The following C1QTNF7 variants were observed in gnomAD, a reference collection of about 807,000 sequenced individuals.
C1QTNF7 encodes the protein complement C1q tumor necrosis factor-related protein 7.
C1QTNF7 carries 15 observed loss-of-function variants against 19.6 expected under a neutral mutation model. The observed-to-expected ratio is 0.76, with a 90% CI of 0.51 to 1.18. C1QTNF7 has a LOEUF of 1.18. Ranked by LOEUF, C1QTNF7 falls within the 50% of genes most tolerant of loss-of-function variation. The probability of loss-of-function intolerance (pLI) is 0.00; values close to 1 mark genes in which losing one functional copy is unlikely to be tolerated. For synonymous variants in C1QTNF7, 142 were observed against 137.5 expected (o/e 1.03, Z -0.23); for missense variants, 324 against 359.7 (o/e 0.90, Z 0.80).
chr4:15,372,047 T>G (rs912933825), intron 1 of C1QTNF7, among the ~76,000 whole-genome samples: 13 of 152,194 alleles, frequency 8.5e-5, no homozygotes, highest in Non-Finnish European at 2.9e-5. Flanking sequence ...TCACTGCTGC[T>G]TACTAGCTTT....
chr4:15,410,851 A>T (rs1049776101), intron 1 of C1QTNF7, among the ~76,000 whole-genome samples: 17 of 152,250 alleles, frequency 1.1e-4, no homozygotes, highest in African/African-American at 3.6e-4. Context: ...GTAATCTACC[A>T]GAGACATACA....
chr4:15,340,022 T>C, exon 1 of C1QTNF7: 1 of 799,506 alleles, frequency 1.3e-6, no homozygotes, highest in Non-Finnish European at 2.1e-6. Context: ...TCAAACGCAT[T>C]CTCATGCTCA....
chr4:15,439,954 A>C (rs1004327096), intron 2 of C1QTNF7, among the ~76,000 whole-genome samples: 1 of 151,650 alleles, frequency 6.6e-6, no homozygotes, highest in African/African-American at 2.4e-5. Context: ...TAAAACGTGA[A>C]TGTCATATAC....
At chr4:15,363,227 T>C (rs1717402547) in intron 1 of C1QTNF7, among the ~76,000 whole-genome samples, 2 of 152,306 alleles carry the variant, frequency 1.3e-5, no homozygotes. Context: ...CTGAGCTTAG[T>C]CTTTCAGCCA....
intron 1 of C1QTNF7, among the ~76,000 whole-genome samples, chr4:15,372,347 G>A (rs183650224): frequency 6.6e-6 from 1 of 152,264 alleles, no homozygotes; most frequent in East Asian, 1.9e-4. Flanking sequence ...ATCTCCCTCT[G>A]CCCACCATAT....
At chr4:15,372,274 G>A (rs1004316939) in intron 1 of C1QTNF7, among the ~76,000 whole-genome samples, 1 of 152,124 alleles carries the variant, frequency 6.6e-6, no homozygotes, top group African/African-American at 2.4e-5. Flanking sequence ...CAACTTAAAT[G>A]AGGTCATAGG....
intron 1 of C1QTNF7, among the ~76,000 whole-genome samples, chr4:15,411,174 G>A (rs1347716784): frequency 6.6e-6 from 1 of 152,150 alleles, no homozygotes; most frequent in Non-Finnish European, 1.5e-5. Flanking sequence ...CAATGTGCCA[G>A]TGTTCTTAAA....
chr4:15,422,713 T>A (rs768416253), intron 1 of C1QTNF7, among the ~76,000 whole-genome samples: 1 of 152,168 alleles, frequency 6.6e-6, no homozygotes, highest in Non-Finnish European at 1.5e-5. Flanking sequence ...CAAGCCATCC[T>A]CCCACCTCAG....
At chr4:15,399,799 T>A (rs1002097118) in intron 1 of C1QTNF7, among the ~76,000 whole-genome samples, 1 of 152,192 alleles carries the variant, frequency 6.6e-6, no homozygotes, top group Non-Finnish European at 1.5e-5. Context: ...GAGATGCCAC[T>A]TGCAAAATTT....
intron 1 of C1QTNF7, among the ~76,000 whole-genome samples, chr4:15,377,623 G>A (rs1717987943): frequency 6.6e-6 from 1 of 152,162 alleles, no homozygotes; most frequent in South Asian, 2.1e-4. Context: ...AGCCAACAGG[G>A]GATGCCAAAC....
rs1016488910 is a variant in C1QTNF7, at chr4:15,364,038, C to T, written c.13+23831C>T. On this transcript the variant is annotated intron_variant, in intron 1 of 2. Coordinates refer to the C1QTNF7 transcript ENST00000295297. ...TCCACTTGGAATGCCTTTATATTCG[C>T]ATTGTCTAATTAATCTTGTTATGAT... 8.5e-5 allele frequency among the ~76,000 whole-genome samples: 13 copies of T among 152,278 alleles called. No individual in the cohort carries two copies. In the South Asian group the frequency reaches 2.7e-3, roughly 32 times the overall value.
At chr4:15,441,645 A>C (rs1712759120) in intron 2 of C1QTNF7, among the ~76,000 whole-genome samples, 1 of 152,244 alleles carries the variant, frequency 6.6e-6, no homozygotes, top group Non-Finnish European at 1.5e-5. Context: ...GATTTAAATT[A>C]TTTCTTACAT....
chr4:15,391,278 C>T (rs956039425), intron 1 of C1QTNF7, among the ~76,000 whole-genome samples: 3 of 151,954 alleles, frequency 2.0e-5, no homozygotes, highest in African/African-American at 7.3e-5. Flanking sequence ...CTCCTGGACT[C>T]CCAGGGTTGA....
intron 1 of C1QTNF7, among the ~76,000 whole-genome samples, chr4:15,361,714 T>A (rs73799808): frequency 0.062 from 9,376 of 152,232 alleles, 329 homozygotes; most frequent in South Asian, 0.13. Flanking sequence ...AATTTAATAT[T>A]GAATTTCAAA....
chr4:15,425,651 T>A (rs1712008608), upstream of C1QTNF7, among the ~76,000 whole-genome samples: 1 of 152,094 alleles, frequency 6.6e-6, no homozygotes, highest in Non-Finnish European at 1.5e-5. Context: ...AGTAGTTAGG[T>A]GTGTCAATTG....
chr4:15,345,965 C>T, intron 1 of C1QTNF7, among the ~76,000 whole-genome samples: 1 of 152,136 alleles, frequency 6.6e-6, no homozygotes, highest in East Asian at 1.9e-4. Flanking sequence ...TTAAAACCTG[C>T]ACCCTTTCCA....
intron 1 of C1QTNF7, among the ~76,000 whole-genome samples, chr4:15,407,944 A>AACAAT (rs1719251711): frequency 6.6e-6 from 1 of 152,040 alleles, no homozygotes; most frequent in Non-Finnish European, 1.5e-5. Flanking sequence ...AACAAAACAA[A>AACAAT]ACAAAGAATG....
At position 15,442,881 on chromosome 4, in the gene C1QTNF7, G is replaced by A. The variant is rs1712841903; in HGVS notation, c.*82G>A. The A allele has an allele frequency of 1.5e-5, 20 of 1,352,228 alleles. No homozygotes were observed. The highest frequency in any genetic ancestry group is 2.0e-5 in the Non-Finnish European group (20 of 1,000,774). The allele number at this position is 1,352,228 out of a possible 1,614,324, so 83.8% of individuals were successfully genotyped here. A position where few individuals can be genotyped will look rare whatever the true frequency, so the allele number is the denominator to read the frequency against. ...GGAACAAGCAGGAATGGGATCCAAAGAGACTCCCACTCAGATTCTAAAGCA... is the reference window on the plus strand; with the variant it reads ...GGAACAAGCAGGAATGGGATCCAAAAAGACTCCCACTCAGATTCTAAAGCA... On this transcript the variant is annotated 3_prime_UTR_variant, in exon 3 of 3. Coordinates refer to ENST00000444304, the MANE Select transcript of C1QTNF7 (RefSeq NM_031911.5).
intron 1 of C1QTNF7, among the ~76,000 whole-genome samples, chr4:15,434,671 A>G (rs938655744): frequency 3.9e-5 from 6 of 152,136 alleles, no homozygotes; most frequent in East Asian, 3.9e-4. Flanking sequence ...ACCACTCTCC[A>G]TCTCACCTTC....
Sources: gnomAD v4.1 joint callset for allele counts (sites outside exome capture counted in the v4.1 genomes callset) on GRCh38, gnomAD v4.1.1 for gene constraint, MANE v1.5 for transcripts, NCBI Gene and HGNC (gene_info 2026-07-23, HGNC 2026-07-21) for gene names.